Variants in TMEM143 observed in about 807,000 individuals in gnomAD.
TMEM143 encodes the protein transmembrane protein 143.
TMEM143 carries 45 observed loss-of-function variants against 40.3 expected under a neutral mutation model. That is an observed-to-expected ratio of 1.12 (90% CI 0.88 to 1.43). The LOEUF is 1.43. Among genes scored for constraint, TMEM143 ranks in the 40% most tolerant of loss-of-function variants. The probability of loss-of-function intolerance (pLI) is 0.00; values close to 1 mark genes in which losing one functional copy is unlikely to be tolerated. For synonymous variants in TMEM143, 299 were observed against 282.7 expected, an observed-to-expected ratio of 1.06 and a Z score of -0.58; for missense variants, 620 against 613.4, an observed-to-expected ratio of 1.01 and a Z score of -0.11.
chr19:48,363,206 C>T, intron 2 of TMEM143, 85 bp downstream of exon 2: 2 of 1,511,828 alleles, frequency 1.3e-6, no homozygotes, highest in African/African-American at 1.4e-5. Context: ...GCCAGGGCAG[C>T]TCTCTGCAGC....
chr19:48,363,196 G>A lies in TMEM143; in HGVS notation c.264+95C>T. The A allele has an allele frequency of 4.0e-6, 6 of 1,484,106 alleles. No homozygotes were observed. The South Asian group carries it at 5.5e-5, about 14-fold the overall frequency. 91.9% of individuals were successfully genotyped at this position (1,484,106 alleles called of 1,614,324 possible). A position where few individuals can be genotyped will look rare whatever the true frequency, so the allele number is the denominator to read the frequency against. On this transcript the variant is annotated intron_variant, in intron 2 of 7. Transcript: ENST00000293261. ...CCGGGAACTACAACTCCCAGGAGGC[G>A]CCAGGGCAGCTCTCTGCAGCAACTA... is the stretch of plus-strand genomic sequence containing the variant.
At chr19:48,339,533 G>A (rs1969442964) in intron 6 of TMEM143, among the ~76,000 whole-genome samples, 1 of 152,168 alleles carries the variant, frequency 6.6e-6, no homozygotes, top group Admixed American at 6.5e-5. Flanking sequence ...GGAGCAGGAG[G>A]GTTGAGGCAG....
rs201142023 is a variant in TMEM143 at position 48,363,251 on chromosome 19, G to C, written c.264+40C>G. 570 of 1,575,144 alleles carry C rather than the reference G, an allele frequency of 3.6e-4. 1 individual carries two copies. In the African/African-American group the frequency reaches 6.8e-3, roughly 19 times the overall value. ...CCTGCCGCCGCGAAGCCTGCTGGGA[G>C]CCGTAGTCCCCAGGCTCTTGGGCCT... On this transcript the variant is annotated intron_variant, in intron 2 of 7. Coordinates refer to ENST00000293261, the MANE Select transcript of TMEM143 (RefSeq NM_018273.4).
intron 2 of TMEM143, among the ~76,000 whole-genome samples, chr19:48,362,318 T>A (rs1970059939): frequency 6.6e-6 from 1 of 152,080 alleles, no homozygotes; most frequent in African/African-American, 2.4e-5. Context: ...GATGGGCAGA[T>A]CACTTGAGGC....
At chr19:48,350,792 C>T (rs1600914683) in intron 3 of TMEM143, among the ~76,000 whole-genome samples, 1 of 151,708 alleles carries the variant, frequency 6.6e-6, no homozygotes, top group Non-Finnish European at 1.5e-5. Context: ...CATGGTGGTG[C>T]GCGCCTGTAG....
Position 48,345,328 on chromosome 19 carries a change from G to C in TMEM143, c.396C>G (p.Asp132Glu), listed in dbSNP as rs201139372. ...GTGATGGCTGATCGAGGGTCTCCCTGTCAGGGTTGATGGGGTCATATAAGG... is the reference window on the plus strand; with the variant it reads ...GTGATGGCTGATCGAGGGTCTCCCTCTCAGGGTTGATGGGGTCATATAAGG... ...LQALYDPINP[D>E]RETLDQPSLT... Residue 132 changes from aspartate to glutamate, a missense_variant, in exon 4 of 8, where the codon GAC becomes GAG. Asp to Glu is a conservative substitution (Grantham distance 45). Transcript: ENST00000293261. The C allele has an allele frequency of 1.1e-5, 18 of 1,584,474 alleles. No individual in the cohort carries two copies. The highest frequency in any genetic ancestry group is 1.5e-5 in the Non-Finnish European group (18 of 1,166,366).
chr19:48,363,672 C>T lies in TMEM143; in HGVS notation c.24-141G>A, dbSNP rs764602183. ...TCCGCTCGCCTCAAAGCCCCTGTTG[C>T]CTGTCCCCTTCCCACACTGCTCAGT... is the stretch of plus-strand genomic sequence containing the variant. On this transcript the variant is annotated intron_variant, in intron 1 of 7. Transcript: ENST00000293261. The T allele has an allele frequency of 2.3e-5, 33 of 1,404,298 alleles. No individual in the cohort carries two copies. The South Asian group carries it at 4.3e-4, about 18-fold the overall frequency. The allele number at this position is 1,404,298 out of a possible 1,614,324, so 87.0% of individuals were successfully genotyped here.
chr19:48,339,584 G>C (rs1436789972), intron 6 of TMEM143, among the ~76,000 whole-genome samples: 1 of 152,176 alleles, frequency 6.6e-6, no homozygotes, highest in Non-Finnish European at 1.5e-5. Flanking sequence ...ACATGGGCTT[G>C]GGTGTGTCCA....
intron 4 of TMEM143, among the ~76,000 whole-genome samples, chr19:48,344,661 A>G (rs1252883006): frequency 1.3e-5 from 2 of 152,088 alleles, no homozygotes; most frequent in African/African-American, 4.8e-5. Flanking sequence ...GCCATATCAT[A>G]TGATACTTTT....
chr19:48,355,699 C>T (rs1969874387), intron 3 of TMEM143, among the ~76,000 whole-genome samples: 1 of 152,192 alleles, frequency 6.6e-6, no homozygotes, highest in Non-Finnish European at 1.5e-5. Flanking sequence ...CTGGGTTGTC[C>T]AAACCCCGCA....
chr19:48,361,942 C>T (rs552229186), intron 2 of TMEM143, among the ~76,000 whole-genome samples: 7 of 152,154 alleles, frequency 4.6e-5, no homozygotes, highest in East Asian at 3.9e-4. Context: ...TGGAGGGCTA[C>T]GGTGAGAATT....
In TMEM143 at chr19:48,343,333, G is replaced by A. The variant is rs781504299; in HGVS notation, c.683C>T (p.Pro228Leu). ...GSRRGFFTKL[P>L]PAERRYFKRV... ...AGGGCCGCCTCACCTCTCCGCAGGG[G>A]GCAGCTTGGTGAAGAAGCCACGCCT... The change falls in exon 5 of 8, where the codon CCC becomes CTC. Residue 228 changes from proline (P) to leucine (L), a missense_variant. Transcript: ENST00000293261. 1 of 1,610,936 alleles carries A rather than the reference G, an allele frequency of 6.2e-7. No homozygotes were observed. The highest frequency in any genetic ancestry group is 8.5e-7 in the Non-Finnish European group (1 of 1,179,320).
Position 48,333,163 on chromosome 19 carries a change from G to T in TMEM143, c.*56C>A. ...ATAACCGTAATTGACAGCCTGTCGT[G>T]AAGGAGGCGGGGCTTAGTTCCTAGC... is the stretch of plus-strand genomic sequence containing the variant. On this transcript the variant is annotated 3_prime_UTR_variant, in exon 8 of 8. Transcript: ENST00000293261. This position sits in a 1 kb window ranked among gnomAD's most constrained non-coding sequence, Gnocchi z 4.1. 7.7e-7 allele frequency: 1 copy of T among 1,306,390 alleles called. No individual in the cohort carries two copies. Among genetic ancestry groups the T allele is most frequent in the Non-Finnish European group, 1.0e-6 (1 of 982,036 alleles). The allele number at this position is 1,306,390 out of a possible 1,614,324, so 80.9% of individuals were successfully genotyped here.
intron 2 of TMEM143, among the ~76,000 whole-genome samples, chr19:48,361,896 T>C (rs1428372734): frequency 1.3e-5 from 2 of 152,222 alleles, no homozygotes; most frequent in Non-Finnish European, 2.9e-5. Flanking sequence ...GAGCCTCAGT[T>C]TCCTCACTGG....
At chr19:48,338,930 G>A (rs1161839410) in intron 6 of TMEM143, among the ~76,000 whole-genome samples, 3 of 152,196 alleles carry the variant, frequency 2.0e-5, no homozygotes, top group African/African-American at 4.8e-5. Context: ...CAAGAGGAAA[G>A]GGCATTTCAG....
intron 6 of TMEM143, among the ~76,000 whole-genome samples, chr19:48,339,349 T>C (rs928599468): frequency 1.3e-5 from 2 of 152,142 alleles, no homozygotes; most frequent in African/African-American, 2.4e-5. Flanking sequence ...AGCTTCTTGG[T>C]TGATCTGATC....
At chr19:48,355,434 G>A (rs1377494991) in intron 3 of TMEM143, among the ~76,000 whole-genome samples, 9 of 152,106 alleles carry the variant, frequency 5.9e-5, no homozygotes, top group Non-Finnish European at 1.2e-4. Context: ...GCTTGATCTC[G>A]ACTCCACCAA....
intron 3 of TMEM143, among the ~76,000 whole-genome samples, chr19:48,359,712 T>G (rs1364891186): frequency 6.6e-6 from 1 of 152,032 alleles, no homozygotes; most frequent in African/African-American, 2.4e-5. Flanking sequence ...TTTCACCGTG[T>G]TAGCCAGGAT....
chr19:48,360,166 G>A lies in TMEM143; in HGVS notation c.275C>T (p.Ser92Leu), dbSNP rs750428394. ...LLRLLIQEFH[S>L]SPAEKAALEA... ...CAAAGCCGCCTTCTCTGCCGGACTC[G>A]AGTGGAATTCCTGTTACCTCAGGAA... Residue 92 changes from serine to leucine, a missense_variant, in exon 3 of 8, where the codon TCG becomes TTG. Physicochemically the swap from Ser to Leu is moderately radical, Grantham distance 145 (BLOSUM62 -2). Transcript: ENST00000293261. 3.8e-5 allele frequency: 62 copies of A among 1,613,986 alleles called. No homozygotes were observed. Among genetic ancestry groups the A allele is most frequent in the African/African-American group, 9.3e-5 (7 of 74,932 alleles).
Sources: gnomAD v4.1 joint callset for allele counts (sites outside exome capture counted in the v4.1 genomes callset) on GRCh38, gnomAD v4.1.1 for gene constraint, Gnocchi (gnomAD v3.1) non-coding constraint, MANE v1.5 for transcripts, NCBI Gene and HGNC (gene_info 2026-07-23, HGNC 2026-07-21) for gene names.